STX18: variants seen among roughly 807,000 people sequenced by gnomAD.
STX18 encodes the protein syntaxin 18.
In STX18, 40 loss-of-function variants were observed where a neutral mutation model predicts 50.1. The observed-to-expected ratio is 0.80, with a 90% confidence interval of 0.62 to 1.04. The LOEUF (loss-of-function observed/expected upper bound fraction) is 1.04. STX18 is among the 50% of genes least tolerant of loss of function. STX18 has a pLI of 0.00. For synonymous variants in STX18, 158 were observed against 151.8 expected (o/e 1.04, Z -0.30); for missense variants, 410 against 415.8 (o/e 0.99, Z 0.12).
At chr4:4,523,198 AAAC>A (rs1730592962) in intron 1 of STX18, among the ~76,000 whole-genome samples, 2 of 152,282 alleles carry the variant, frequency 1.3e-5, no homozygotes, top group South Asian at 4.1e-4. Flanking sequence ...ATCCAAGTAA[AAAC>A]AAGCTTATTA....
At chr4:4,529,009 A>T (rs2108919331) in intron 1 of STX18, among the ~76,000 whole-genome samples, 1 of 152,348 alleles carries the variant, frequency 6.6e-6, no homozygotes, top group East Asian at 1.9e-4. Context: ...GATTTTACTA[A>T]CTAAAACCAC....
intron 7 of STX18, among the ~76,000 whole-genome samples, chr4:4,429,777 A>G (rs1233144794): frequency 6.6e-6 from 1 of 152,210 alleles, no homozygotes; most frequent in African/African-American, 2.4e-5. Flanking sequence ...TGGTATTCAG[A>G]TTCCACCAAT....
intron 1 of STX18, among the ~76,000 whole-genome samples, chr4:4,526,490 AT>A (rs964711901): frequency 1.3e-5 from 2 of 152,170 alleles, no homozygotes; most frequent in African/African-American, 2.4e-5. Flanking sequence ...GAATTCCTAA[AT>A]TTTTATTTAC....
chr4:4,421,328 T>C (rs1724949145), intron 9 of STX18, among the ~76,000 whole-genome samples: 1 of 152,082 alleles, frequency 6.6e-6, no homozygotes, highest in South Asian at 2.1e-4. Flanking sequence ...CTGAGACTTT[T>C]TTTTTTTTTG....
Position 4,420,893 on chromosome 4 carries a change from T to C in STX18, c.883A>G (p.Ile295Val). 1 of 1,614,186 alleles carries C rather than the reference T, an allele frequency of 6.2e-7. No individual in the cohort carries two copies. Among genetic ancestry groups the C allele is most frequent in the Non-Finnish European group, 8.5e-7 (1 of 1,180,040 alleles). Reference sequence around the variant, plus strand: ...CTTATGTCTTCGTTGCCTTCCTTGATATTTTCAGTTGCCCCCACAACTAAC... The same window carrying C: ...CTTATGTCTTCGTTGCCTTCCTTGACATTTTCAGTTGCCCCCACAACTAAC... ...HQLVVGATEN[I>V]KEGNEDIREA... The change falls in exon 10 of 11, where the codon ATC (isoleucine) becomes GTC (valine). Residue 295 changes from isoleucine (I) to valine (V), a missense_variant. Transcript: ENST00000306200. This position sits in a 1 kb window ranked among gnomAD's most constrained non-coding sequence, Gnocchi z 4.3.
At position 4,493,491 on chromosome 4, in the gene STX18, A is replaced by G. The variant is rs141028152; in HGVS notation, c.169-21785T>C. ...GCATATTCACCTGGTAGTTCTAAAA[A>G]TGATTCCTCTATGATTAAAAAAAAT... On this transcript the variant is annotated intron_variant, in intron 1 of 10. Coordinates refer to ENST00000306200, the MANE Select transcript of STX18 (RefSeq NM_016930.4). Among the ~76,000 whole-genome samples the G allele has an allele frequency of 8.3e-3, 1,269 of 152,352 alleles. 8 individuals are homozygous for G. Among genetic ancestry groups the G allele is most frequent in the Non-Finnish European group, 0.014 (953 of 68,028 alleles).
intron 5 of STX18, among the ~76,000 whole-genome samples, chr4:4,442,515 G>A (rs941040709): frequency 2.6e-5 from 4 of 152,144 alleles, no homozygotes; most frequent in Non-Finnish European, 5.9e-5. Context: ...TACTCAGGAG[G>A]CTGAGGTGGG....
At chr4:4,541,694 C>G in intron 1 of STX18, 103 bp downstream of exon 1, 1 of 1,358,562 alleles carries the variant, frequency 7.4e-7, no homozygotes, top group Non-Finnish European at 1.0e-6. Flanking sequence ...AGAGCCACCC[C>G]CTTCACACAA....
intron 1 of STX18, among the ~76,000 whole-genome samples, chr4:4,506,313 T>C (rs556270997): frequency 3.3e-4 from 51 of 152,328 alleles, no homozygotes; most frequent in African/African-American, 5.5e-4. Context: ...CAACAGGTGA[T>C]AGATAATTGT....
intron 1 of STX18, among the ~76,000 whole-genome samples, chr4:4,511,200 C>T (rs926424708): frequency 6.6e-6 from 1 of 152,030 alleles, no homozygotes; most frequent in African/African-American, 2.4e-5. Flanking sequence ...GAAATCCATG[C>T]CATGGCTTGA....
chr4:4,471,272 G>A (rs182892383), intron 2 of STX18, among the ~76,000 whole-genome samples: 2 of 152,224 alleles, frequency 1.3e-5, no homozygotes, highest in African/African-American at 4.8e-5. Flanking sequence ...CGCAAGAGAT[G>A]GGCAAAAATA....
chr4:4,435,371 A>C (rs998235494), intron 6 of STX18, among the ~76,000 whole-genome samples: 29 of 152,190 alleles, frequency 1.9e-4, no homozygotes, highest in African/African-American at 6.5e-4. Flanking sequence ...GTAGCTTCAT[A>C]GATTTTATCT....
At chr4:4,441,215 C>G (rs959047698) in intron 5 of STX18, among the ~76,000 whole-genome samples, 3 of 152,172 alleles carry the variant, frequency 2.0e-5, no homozygotes. Context: ...AACACATTCA[C>G]GATGGTCCAC....
Position 4,420,024 on chromosome 4 carries a change from G to A in STX18, c.*10C>T, listed in dbSNP as rs745759002. The A allele has an allele frequency of 1.1e-5, 17 of 1,606,396 alleles. No homozygotes were observed. Among genetic ancestry groups the A allele is most frequent in the Admixed American group, 3.4e-5 (2 of 59,218 alleles). ...ATGAGGACTCTCGTGCTGGGCCCCC[G>A]TGGCCCTGGCTAGCTGTCGTACCAG... On this transcript the variant is annotated 3_prime_UTR_variant, in exon 11 of 11. Transcript: ENST00000306200. The surrounding 1 kb of genome is among the most constrained non-coding windows in gnomAD (Gnocchi z 4.3).
At chr4:4,428,687 T>C (rs926153784) in intron 7 of STX18, among the ~76,000 whole-genome samples, 1 of 152,136 alleles carries the variant, frequency 6.6e-6, no homozygotes, top group Admixed American at 6.5e-5. Context: ...CACTGGGAAA[T>C]GCACCCATAG....
intron 5 of STX18, among the ~76,000 whole-genome samples, chr4:4,439,471 C>CATAT (rs1322845621): frequency 7.5e-6 from 1 of 132,472 alleles, no homozygotes; most frequent in East Asian, 2.2e-4. Flanking sequence ...TCTACATACA[C>CATAT]ATATATACAT....
At chr4:4,467,797 A>T (rs1002954064) in intron 2 of STX18, among the ~76,000 whole-genome samples, 1 of 152,216 alleles carries the variant, frequency 6.6e-6, no homozygotes, top group African/African-American at 2.4e-5. Flanking sequence ...TTTTCTAAGC[A>T]AAGTAGAGAC....
chr4:4,436,742 C>T (rs1182919964), intron 6 of STX18, among the ~76,000 whole-genome samples: 2 of 152,154 alleles, frequency 1.3e-5, no homozygotes, highest in Non-Finnish European at 2.9e-5. Context: ...AGACTCCCTA[C>T]TCTGGCATTC....
At chr4:4,530,992 T>A (rs1172797978) in intron 1 of STX18, among the ~76,000 whole-genome samples, 2 of 152,230 alleles carry the variant, frequency 1.3e-5, no homozygotes, top group Non-Finnish European at 2.9e-5. Context: ...TTTTTACAGT[T>A]AAATCTTTAG....
Sources: gnomAD v4.1 joint callset for allele counts (sites outside exome capture counted in the v4.1 genomes callset) on GRCh38, gnomAD v4.1.1 for gene constraint, Gnocchi (gnomAD v3.1) non-coding constraint, MANE v1.5 for transcripts, NCBI Gene and HGNC (gene_info 2026-07-23, HGNC 2026-07-21) for gene names.